The following CDKAL1 variants were observed in gnomAD, a reference collection of about 807,000 sequenced individuals.
CDKAL1 encodes threonylcarbamoyladenosine tRNA methylthiotransferase.
Under a neutral mutation model 68.2 loss-of-function variants are expected in CDKAL1, and 32 were observed. The ratio of observed to expected loss-of-function variants is 0.47; its 90% confidence interval spans 0.35 to 0.63. The LOEUF (loss-of-function observed/expected upper bound fraction) is 0.63, where lower values mean the gene tolerates loss of function less well. Among genes scored for constraint, CDKAL1 ranks in the 30% least tolerant of loss-of-function variants. The pLI is 0.00. For synonymous variants in CDKAL1, 234 were observed against 244.3 expected (o/e 0.96, Z 0.39); for missense variants, 606 against 696.7 (o/e 0.87, Z 1.47).
intron 13 of CDKAL1, among the ~76,000 whole-genome samples, chr6:21,115,963 C>G (rs1042882111): frequency 2.7e-5 from 4 of 146,994 alleles, no homozygotes; most frequent in Non-Finnish European, 4.5e-5. Flanking sequence ...GAGGGTAACC[C>G]TAGCCATTCC....
chr6:21,201,347 A>G lies in CDKAL1; in HGVS notation c.1548+73A>G, dbSNP rs1778684372. On this transcript the variant is annotated intron_variant, in intron 15 of 15. Transcript: ENST00000274695. ...TGTGGAAGCACAGTGATTCCAGGCC[A>G]TGTTTCTGTTATCATTTATAGTTCC... 7.5e-6 allele frequency: 10 copies of G among 1,327,588 alleles called. No individual in the cohort carries two copies. The South Asian group carries it at 9.9e-5, about 13-fold the overall frequency. The allele number at this position is 1,327,588 out of a possible 1,614,324, so 82.2% of individuals were successfully genotyped here.
At chr6:21,129,720 A>G (rs1775201772) in intron 13 of CDKAL1, among the ~76,000 whole-genome samples, 1 of 150,378 alleles carries the variant, frequency 6.6e-6, no homozygotes, top group African/African-American at 2.4e-5. Flanking sequence ...AAAATGGAGT[A>G]ATTGTACTAA....
intron 11 of CDKAL1, among the ~76,000 whole-genome samples, chr6:21,029,014 A>G (rs563475709): frequency 1.6e-4 from 24 of 152,116 alleles, no homozygotes; most frequent in Admixed American, 4.6e-4. Context: ...CCTTACATCA[A>G]ACATCTAACT....
chr6:20,761,979 G>A (rs1774489176), intron 7 of CDKAL1, among the ~76,000 whole-genome samples: 1 of 152,158 alleles, frequency 6.6e-6, no homozygotes, highest in Non-Finnish European at 1.5e-5. Flanking sequence ...CCACTCTGTT[G>A]TAGGATATTG....
At chr6:20,640,936 A>G (rs1483465410) in intron 4 of CDKAL1, among the ~76,000 whole-genome samples, 1 of 152,258 alleles carries the variant, frequency 6.6e-6, no homozygotes, top group African/African-American at 2.4e-5. Context: ...TGCTGGATAT[A>G]TAATAGGTAC....
chr6:20,746,882 C>G (rs1360908691), intron 6 of CDKAL1, among the ~76,000 whole-genome samples: 1 of 152,132 alleles, frequency 6.6e-6, no homozygotes, highest in Non-Finnish European at 1.5e-5. Context: ...AATATCTACT[C>G]TTAGCAGATT....
intron 13 of CDKAL1, among the ~76,000 whole-genome samples, chr6:21,177,635 T>C (rs2151082719): frequency 6.6e-6 from 1 of 152,048 alleles, no homozygotes; most frequent in East Asian, 1.9e-4. Flanking sequence ...TTCAACCTGG[T>C]TGGGTATTAT....
At chr6:21,124,310 C>T (rs1288041690) in intron 13 of CDKAL1, among the ~76,000 whole-genome samples, 1 of 152,096 alleles carries the variant, frequency 6.6e-6, no homozygotes, top group Non-Finnish European at 1.5e-5. Context: ...TCCTCCTTCA[C>T]ATTTCTCTTC....
At chr6:20,966,854 A>G (rs1021861858) in intron 10 of CDKAL1, among the ~76,000 whole-genome samples, 8 of 152,162 alleles carry the variant, frequency 5.3e-5, no homozygotes, top group Non-Finnish European at 1.2e-4. Context: ...AGTGGCTCCT[A>G]CATTTTCAGT....
At chr6:21,026,369 T>C (rs1430920318) in intron 11 of CDKAL1, among the ~76,000 whole-genome samples, 1 of 152,072 alleles carries the variant, frequency 6.6e-6, no homozygotes, top group African/African-American at 2.4e-5. Flanking sequence ...TGATTTGGAG[T>C]CAAGAAATAA....
intron 15 of CDKAL1, among the ~76,000 whole-genome samples, chr6:21,228,564 T>C (rs1327521555): frequency 1.3e-5 from 2 of 152,220 alleles, no homozygotes; most frequent in African/African-American, 4.8e-5. Context: ...GATGAGAATG[T>C]TCTTGATGGT....
chr6:21,195,286 C>T (rs1347288489), intron 13 of CDKAL1, among the ~76,000 whole-genome samples: 1 of 151,888 alleles, frequency 6.6e-6, no homozygotes, highest in Non-Finnish European at 1.5e-5. Context: ...CCTCAGTCTC[C>T]CAAGTAGCTG....
chr6:20,654,667 C>T (rs1483854841), intron 5 of CDKAL1, among the ~76,000 whole-genome samples: 1 of 152,070 alleles, frequency 6.6e-6, no homozygotes, highest in Non-Finnish European at 1.5e-5. Flanking sequence ...ATGTCTTTCT[C>T]TGTAGATAAC....
At chr6:20,954,240 C>G (rs1375589145) in intron 9 of CDKAL1, among the ~76,000 whole-genome samples, 1 of 152,034 alleles carries the variant, frequency 6.6e-6, no homozygotes, top group East Asian at 1.9e-4. Flanking sequence ...TTATTTTATG[C>G]TTTTTTATTC....
chr6:20,682,951 CTTTTTTTTTTTTTT>C (rs11364854), intron 5 of CDKAL1, among the ~76,000 whole-genome samples: 1 of 126,538 alleles, frequency 7.9e-6, no homozygotes, highest in Non-Finnish European at 1.7e-5. Flanking sequence ...CTTTTTCTTT[CTTTTTTTTTTTTTT>C]TTTTAGAGAC....
intron 8 of CDKAL1, among the ~76,000 whole-genome samples, chr6:20,835,113 G>T (rs1777876847): frequency 6.6e-6 from 1 of 152,068 alleles, no homozygotes; most frequent in African/African-American, 2.4e-5. Context: ...TAATTTCCTG[G>T]GCACTTGGGT....
chr6:20,827,644 G>A (rs1777553392), intron 8 of CDKAL1, among the ~76,000 whole-genome samples: 1 of 152,064 alleles, frequency 6.6e-6, no homozygotes, highest in South Asian at 2.1e-4. Context: ...GGAAGACTAA[G>A]TTATGTGGTT....
chr6:20,606,434 T>C (rs954582318), intron 4 of CDKAL1, among the ~76,000 whole-genome samples: 6 of 152,182 alleles, frequency 3.9e-5, no homozygotes, highest in Non-Finnish European at 7.3e-5. Flanking sequence ...CCGGATTGCT[T>C]CTGCAGGTTT....
At chr6:21,031,322 T>C (rs1420499246) in intron 11 of CDKAL1, among the ~76,000 whole-genome samples, 1 of 151,410 alleles carries the variant, frequency 6.6e-6, no homozygotes, top group Non-Finnish European at 1.5e-5. Flanking sequence ...TCTCTGACTT[T>C]GCCTTCTGCT....
Sources: allele counts gnomAD v4.1 joint callset (sites outside exome capture counted in the v4.1 genomes callset), GRCh38; gene constraint gnomAD v4.1.1; transcripts MANE v1.5; gene names NCBI Gene and HGNC (gene_info 2026-07-23, HGNC 2026-07-21).